Variants in ABCA4 observed in about 807,000 individuals in gnomAD.
The protein encoded by ABCA4 is retinal-specific phospholipid-transporting ATPase ABCA4.
In ABCA4, 196 loss-of-function variants were observed where a neutral mutation model predicts 263.7. The ratio of observed to expected loss-of-function variants is 0.74; its 90% CI spans 0.66 to 0.84. ABCA4 has a LOEUF of 0.84. Among genes scored for constraint, ABCA4 ranks in the 40% least tolerant of loss-of-function variants. The pLI, the probability that ABCA4 is intolerant of heterozygous loss-of-function variation, is 0.00. For synonymous variants in ABCA4, 1,133 were observed against 1,094.2 expected (o/e 1.04, Z -0.70); for missense variants, 2,792 against 2,855.1 (o/e 0.98, Z 0.50).
At chr1:94,067,918 C>T (rs549354957) in intron 11 of ABCA4, among the ~76,000 whole-genome samples, 26 of 152,162 alleles carry the variant, frequency 1.7e-4, no homozygotes, top group African/African-American at 6.0e-4. Flanking sequence ...TATACCAAAC[C>T]GTCTCACAAA....
chr1:94,063,747 C>G (rs903405818), intron 11 of ABCA4, among the ~76,000 whole-genome samples: 1 of 152,170 alleles, frequency 6.6e-6, no homozygotes, highest in Non-Finnish European at 1.5e-5. Flanking sequence ...CATTCCTAGC[C>G]TTGAACCTTT....
intron 16 of ABCA4, among the ~76,000 whole-genome samples, chr1:94,053,709 T>C (rs1660899736): frequency 6.6e-6 from 1 of 152,220 alleles, no homozygotes; most frequent in Non-Finnish European, 1.5e-5. Flanking sequence ...TGCCAACACC[T>C]TGATTTTGGA....
intron 17 of ABCA4, among the ~76,000 whole-genome samples, chr1:94,050,223 G>T (rs1660798613): frequency 6.6e-6 from 1 of 152,140 alleles, no homozygotes; most frequent in African/African-American, 2.4e-5. Flanking sequence ...CACTTTACTA[G>T]CTATCAAACT....
chr1:93,993,125 G>T lies in ABCA4; in HGVS notation c.*112C>A. On this transcript the variant is annotated 3_prime_UTR_variant, in exon 50 of 50. Coordinates refer to ENST00000370225, the MANE Select transcript of ABCA4 (RefSeq NM_000350.3). ...CCTCGTGTGTTTGTTTTCTGCTGCA[G>T]TGGGGTCATTTACGCTGGCCAGTCC... 7.1e-7 allele frequency: 1 copy of T among 1,403,648 alleles called. No homozygotes were observed. 86.9% of individuals were successfully genotyped at this position (1,403,648 alleles called of 1,614,324 possible).
chr1:94,039,642 C>CT (rs567482611), intron 24 of ABCA4, among the ~76,000 whole-genome samples: 146 of 152,326 alleles, frequency 9.6e-4, no homozygotes, highest in African/African-American at 3.2e-3. Flanking sequence ...TGTGCAATCT[C>CT]TGACTCCACG....
chr1:94,100,895 G>C (rs1364922923), intron 5 of ABCA4, among the ~76,000 whole-genome samples: 1 of 152,236 alleles, frequency 6.6e-6, no homozygotes, highest in Non-Finnish European at 1.5e-5. Context: ...AGGAGCCCCG[G>C]AACTGGATGG....
intron 11 of ABCA4, among the ~76,000 whole-genome samples, chr1:94,073,068 A>T (rs1232491247): frequency 1.3e-5 from 2 of 152,260 alleles, no homozygotes; most frequent in East Asian, 3.9e-4. Flanking sequence ...AGCCATCAGC[A>T]AAGAGTTTTC....
At chr1:94,048,228 G>A (rs996503776) in intron 18 of ABCA4, among the ~76,000 whole-genome samples, 8 of 152,246 alleles carry the variant, frequency 5.3e-5, no homozygotes, top group African/African-American at 1.9e-4. Flanking sequence ...TAAACCCAGA[G>A]CATTTTGGCC....
rs1439783011 is a variant in ABCA4, at chr1:94,021,952, C to A, written c.4668-1G>T. Reference sequence around the variant, plus strand: ...TCCTCCAATGGAAATTCCTCCATACCTGACAAGGAAACAGGAAATCCTCAG... The same window carrying A: ...TCCTCCAATGGAAATTCCTCCATACATGACAAGGAAACAGGAAATCCTCAG... On this transcript the variant is annotated splice_acceptor_variant, in intron 32 of 49. Transcript: ENST00000370225. LOFTEE classifies it high-confidence loss of function. The A allele has an allele frequency of 6.2e-7, 1 of 1,613,760 alleles. No homozygotes were observed. The highest frequency in any genetic ancestry group is 8.5e-7 in the Non-Finnish European group (1 of 1,179,756).
At chr1:94,051,761 G>T in intron 16 of ABCA4, 63 bp from the exon 17 acceptor site, 1 of 1,249,754 alleles carries the variant, frequency 8.0e-7, no homozygotes, top group South Asian at 1.2e-5. Flanking sequence ...CCTTACCGCA[G>T]TTCTATAAGA....
In ABCA4 at chr1:94,000,876, C is replaced by T. The variant is rs966835207; in HGVS notation, c.6439G>A (p.Ala2147Thr). The change falls in exon 47 of 50, where the codon GCC (alanine) becomes ACC (threonine). Residue 2147 changes from alanine (A) to threonine (T), a missense_variant. Ala to Thr is a moderately conservative substitution (Grantham distance 58, BLOSUM62 0). Coordinates refer to ENST00000370225, the MANE Select transcript of ABCA4 (RefSeq NM_000350.3). Reference protein sequence around the residue: ...CTRLAIMVKGAFRCMGTIQHL... With the variant: ...CTRLAIMVKGTFRCMGTIQHL... ...TGAATGGTGCCCATACATCGAAAGG[C>T]GCCCTTTACCATGATGGCCAGCCGG... is the stretch of plus-strand genomic sequence containing the variant. 24 of 1,614,078 alleles carry T rather than the reference C, an allele frequency of 1.5e-5. No individual in the cohort carries two copies. In the Middle Eastern group the frequency reaches 4.9e-4, roughly 33 times the overall value.
At chr1:94,084,138 G>C (rs1207704902) in intron 6 of ABCA4, among the ~76,000 whole-genome samples, 2 of 152,328 alleles carry the variant, frequency 1.3e-5, no homozygotes, top group African/African-American at 4.8e-5. Flanking sequence ...AGACTGATGT[G>C]AACATCTGGT....
chr1:93,996,019 A>G (rs1658989204), intron 49 of ABCA4, 90 bp downstream of exon 49: 4 of 1,221,710 alleles, frequency 3.3e-6, no homozygotes, highest in Non-Finnish European at 4.7e-6. Flanking sequence ...GGCATATCTG[A>G]GCCTTGGAGC....
intron 2 of ABCA4, among the ~76,000 whole-genome samples, chr1:94,112,322 CAT>C (rs1328643135): frequency 2.6e-5 from 4 of 152,282 alleles, no homozygotes; most frequent in Admixed American, 1.3e-4. Flanking sequence ...CCATGTATAA[CAT>C]ATTCTCTATA....
Position 94,062,649 on chromosome 1 carries a change from C to T in ABCA4, c.1865G>A (p.Ser622Asn). 5 of 1,614,194 alleles carry T rather than the reference C, an allele frequency of 3.1e-6. No homozygotes were observed. The highest frequency in any genetic ancestry group is 3.4e-6 in the Non-Finnish European group (4 of 1,180,038). The change falls in exon 13 of 50, where the codon AGC becomes AAC. Residue 622 changes from serine to asparagine, a missense_variant. Ser to Asn is a conservative substitution (Grantham distance 46). Transcript: ENST00000370225. The part of the protein sequence containing the change: ...QDMVEQGITR[S>N]QVQAEAPVGI... ...AACTGGAGCCTCCGCCTGCACCTGG[C>T]TCCTTGTGATCCCCTGTTCAACCAT...
intron 26 of ABCA4, among the ~76,000 whole-genome samples, chr1:94,036,148 C>T (rs545228058): frequency 6.6e-6 from 1 of 152,062 alleles, no homozygotes; most frequent in South Asian, 2.1e-4. Context: ...AGGATGATGA[C>T]ATGGCAGGCC....
chr1:94,097,710 A>G (rs539488106), intron 6 of ABCA4, among the ~76,000 whole-genome samples: 2 of 152,088 alleles, frequency 1.3e-5, no homozygotes, highest in Admixed American at 1.3e-4. Flanking sequence ...TAGCACTTGC[A>G]TCTTTTACCA....
chr1:94,101,528 T>C (rs1489581109), intron 5 of ABCA4, among the ~76,000 whole-genome samples: 1 of 152,140 alleles, frequency 6.6e-6, no homozygotes, highest in Admixed American at 6.5e-5. Context: ...AGGGAACCAG[T>C]GTGAGAACCT....
rs1662511286 is a variant in ABCA4, at chr1:94,108,781, A to G, written c.303-65T>C. 3 of 1,573,650 alleles carry G rather than the reference A, an allele frequency of 1.9e-6. No homozygotes were observed. In the African/African-American group the frequency reaches 4.3e-5, roughly 23 times the overall value. On this transcript the variant is annotated intron_variant, in intron 3 of 49. Transcript: ENST00000370225. Reference sequence around the variant, plus strand: ...ATTTTTATAACAGTAATAATATCTCATGCTATTTTTTTTTTTTATCTCGCT... The same window carrying G: ...ATTTTTATAACAGTAATAATATCTCGTGCTATTTTTTTTTTTTATCTCGCT...
Sources: gnomAD v4.1 joint callset for allele counts (sites outside exome capture counted in the v4.1 genomes callset) on GRCh38, gnomAD v4.1.1 for gene constraint, MANE v1.5 for transcripts, NCBI Gene and HGNC (gene_info 2026-07-23, HGNC 2026-07-21) for gene names.